Variants in MON1A observed in about 807,000 individuals in gnomAD.
MON1A encodes the protein MON1 vesicular trafficking associated A, also known as vacuolar fusion protein MON1 homolog A.
A neutral mutation model predicts 44.6 loss-of-function variants in MON1A; 29 were observed. The ratio of observed to expected loss-of-function variants is 0.65; its 90% CI spans 0.48 to 0.89. The LOEUF (loss-of-function observed/expected upper bound fraction) is 0.89. Among genes scored for constraint, MON1A ranks in the 40% least tolerant of loss-of-function variants. MON1A has a pLI of 0.00. For synonymous variants in MON1A, 275 were observed against 316.4 expected (o/e 0.87, Z 1.39); for missense variants, 615 against 759.6 (o/e 0.81, Z 2.24).
At chr3:49,929,048 T>TA (rs966612076) in intron 1 of MON1A, among the ~76,000 whole-genome samples, 15 of 152,120 alleles carry the variant, frequency 9.9e-5, no homozygotes, top group East Asian at 3.9e-4. Context: ...CCGTCTCTAC[T>TA]AAAAAAATAC....
At position 49,909,144 on chromosome 3, in the gene MON1A, G is replaced by A. The variant is rs200619339; in HGVS notation, c.1538C>T (p.Ala513Val). The change falls in exon 6 of 6, where the codon GCC (alanine) becomes GTC (valine). Residue 513 changes from alanine to valine, a missense_variant. Physicochemically the swap from Ala to Val is moderately conservative, Grantham distance 64. Transcript: ENST00000296473. This position sits in a 1 kb window ranked among gnomAD's most constrained non-coding sequence, Gnocchi z 4.0. ...GCTGTAACACATGTAGAGCTCAAAG[G>A]CGCCTGTCACCTGGAGAAGGGGCAA... ...NENLLAWVTG[A>V]FELYMCYSPL... is the part of the protein sequence containing the mutation. The A allele has an allele frequency of 2.0e-4, 318 of 1,610,236 alleles. 1 individual carries two copies. The highest frequency in any genetic ancestry group is 3.3e-4 in the Middle Eastern group (2 of 6,074).
In MON1A at chr3:49,913,313, C is replaced by T. The variant is rs370877712; in HGVS notation, c.34G>A (p.Glu12Lys). 150 of 1,613,640 alleles carry T rather than the reference C, an allele frequency of 9.3e-5. No individual in the cohort carries two copies. In the Middle Eastern group the frequency reaches 1.7e-3, roughly 18 times the overall value. The change falls in exon 2 of 6, where the codon GAA becomes AAA. Residue 12 changes from glutamate to lysine, a missense_variant. Physicochemically the swap from Glu to Lys is moderately conservative, Grantham distance 56. Transcript: ENST00000296473. Reference protein sequence around the residue: ...ATDMQRKRSSECLDGTLTPSD... With the variant: ...ATDMQRKRSSKCLDGTLTPSD... The stretch of plus-strand genomic sequence containing the variant: ...GGAGTCAATGTGCCATCAAGGCATT[C>T]GCTGCTTCTCTTCCTCTGCATGTCA...
intron 1 of MON1A, among the ~76,000 whole-genome samples, chr3:49,913,942 G>C (rs1050015655): frequency 6.6e-6 from 1 of 151,826 alleles, no homozygotes; most frequent in Non-Finnish European, 1.5e-5. Context: ...TGTTGTTGTT[G>C]AGACAGGGTC....
In MON1A at chr3:49,911,718, C is replaced by A; in HGVS notation, c.421G>T (p.Glu141Ter). The change falls in exon 3 of 6, where the codon GAG (glutamate) becomes TAG (stop). Residue 141 changes from glutamate to a stop codon, truncating the protein, a stop_gained. Coordinates refer to ENST00000296473, the MANE Select transcript of MON1A (RefSeq NM_032355.4). LOFTEE classifies it high-confidence loss of function. The surrounding 1 kb of genome is among the most constrained non-coding windows in gnomAD (Gnocchi z 5.7). Reference sequence around the variant, plus strand: ...TCCGTGGCATCCTCCTCATCCCCCTCGGTTGTGCCCTCCCTGGGGGGCTCT... The same window carrying A: ...TCCGTGGCATCCTCCTCATCCCCCTAGGTTGTGCCCTCCCTGGGGGGCTCT... The part of the protein sequence containing the change: ...ATEPPREGTT[E>*]GDEEDATEAW... 1 of 1,613,956 alleles carries A rather than the reference C, an allele frequency of 6.2e-7. No homozygotes were observed. Among genetic ancestry groups the A allele is most frequent in the South Asian group, 1.1e-5 (1 of 91,082 alleles).
At position 49,911,237 on chromosome 3, in the gene MON1A, G is replaced by GATGATAGATAC. The variant is rs1559492002; in HGVS notation, c.613+288_613+289insGTATCTATCAT. On this transcript the variant is annotated intron_variant, in intron 3 of 5. Transcript: ENST00000296473. This position sits in a 1 kb window ranked among gnomAD's most constrained non-coding sequence, Gnocchi z 5.7. ...AGATAGATAGATAGATAGATAGATAGATAGATAGAGTTTGTTGTTGTTGTT... is the reference window on the plus strand; with the variant it reads ...AGATAGATAGATAGATAGATAGATAGATGATAGATACATAGATAGAGTTTGTTGTTGTTGTT... Among the ~76,000 whole-genome samples, 37 of 118,172 alleles carry GATGATAGATAC rather than the reference G, an allele frequency of 3.1e-4. No homozygotes were observed. The highest frequency in any genetic ancestry group is 4.3e-3 in the Middle Eastern group (1 of 234). 77.5% of individuals were successfully genotyped at this position (118,172 alleles called of 152,430 possible).
chr3:49,910,669 T>C lies in MON1A; in HGVS notation c.829A>G (p.Asn277Asp), dbSNP rs1347906568. 1.9e-6 allele frequency: 3 copies of C among 1,608,332 alleles called. No individual in the cohort carries two copies. In the East Asian group the frequency reaches 6.7e-5, roughly 36 times the overall value. The change falls in exon 4 of 6, where the codon AAC (asparagine) becomes GAC (aspartate). Residue 277 changes from asparagine (N) to aspartate (D), a missense_variant. Transcript: ENST00000296473. This position sits in a 1 kb window ranked among gnomAD's most constrained non-coding sequence, Gnocchi z 8.0. ...TCTCGTGCCATGAGCTGCAGCAGGT[T>C]GTCGGTGATGCGCTCTGAGCCCGAG... ...LLSGSERITD[N>D]LLQLMARDPS... is the part of the protein sequence containing the mutation.
chr3:49,913,525 TTC>T (rs2082911709), intron 1 of MON1A, among the ~76,000 whole-genome samples, 166 bp from the exon 2 acceptor site: 2 of 151,878 alleles, frequency 1.3e-5, no homozygotes, highest in African/African-American at 2.4e-5. Context: ...ACTGTTCCTT[TTC>T]TGATTATAAA....
intron 1 of MON1A, 48 bp from the exon 2 acceptor site, chr3:49,913,407 G>A (rs1046330826): frequency 1.3e-5 from 21 of 1,571,950 alleles, no homozygotes; most frequent in Non-Finnish European, 1.8e-5. Flanking sequence ...CAGGGTCACA[G>A]GCATAATCAA....
chr3:49,911,719 G>T lies in MON1A; in HGVS notation c.420C>A (p.Thr140=). ...CCGTGGCATCCTCCTCATCCCCCTC[G>T]GTTGTGCCCTCCCTGGGGGGCTCTG... The part of the protein sequence containing the change: ...PATEPPREGT[T]EGDEEDATEA... Residue 140 remains threonine (T), a synonymous_variant, in exon 3 of 6, where the codon ACC becomes ACA. Transcript: ENST00000296473. The surrounding 1 kb of genome is among the most constrained non-coding windows in gnomAD (Gnocchi z 5.7). 6.2e-7 allele frequency: 1 copy of T among 1,613,908 alleles called. No homozygotes were observed. Among genetic ancestry groups the T allele is most frequent in the South Asian group, 1.1e-5 (1 of 91,084 alleles).
chr3:49,927,661 C>T (rs2083061737), intron 1 of MON1A, among the ~76,000 whole-genome samples: 1 of 152,130 alleles, frequency 6.6e-6, no homozygotes, highest in Admixed American at 6.6e-5. Flanking sequence ...TTCCTCCAGG[C>T]TAACTGGTTG....
intron 1 of MON1A, among the ~76,000 whole-genome samples, chr3:49,918,226 A>T (rs975253948): frequency 2.6e-5 from 4 of 151,870 alleles, no homozygotes; most frequent in Non-Finnish European, 5.9e-5. Context: ...AATCCAAGCT[A>T]CTTGGGAGGC....
At position 49,929,319 on chromosome 3, in the gene MON1A, TGTGTAC is replaced by T. The variant is rs11278644; in HGVS notation, c.-14+284_-14+289del. 1.3e-3 allele frequency: 681 copies of T among 506,068 alleles called. 3 individuals are homozygous for T. The highest frequency in any genetic ancestry group is 0.012 in the African/African-American group (611 of 50,066). 31.3% of individuals were successfully genotyped at this position (506,068 alleles called of 1,614,324 possible). ...TTGAGAAGACTCTACCGGCCGAATA[TGTGTAC>T]GTTTGTTGGCGGGGCGGGGGTGGGG... On this transcript the variant is annotated intron_variant, in intron 1 of 5. Transcript: ENST00000296473.
Position 49,909,255 on chromosome 3 carries a change from A to C in MON1A, c.1525T>G (p.Trp509Gly), listed in dbSNP as rs1281381566. The change falls in exon 5 of 6, where the codon TGG (tryptophan) becomes GGG (glycine). Residue 509 changes from tryptophan to glycine, a missense_variant and splice_region_variant. Physicochemically the swap from Trp to Gly is radical, Grantham distance 184. Coordinates refer to ENST00000296473, the MANE Select transcript of MON1A (RefSeq NM_032355.4). The surrounding 1 kb of genome is among the most constrained non-coding windows in gnomAD (Gnocchi z 4.0). ...AGCCCATCCCAGGGCTGCCTTACCC[A>C]GGCCAGGAGGTTCTCGTTGGGGCCC... Reference protein sequence around the residue: ...YTGPNENLLAWVTGAFELYMC... With the variant: ...YTGPNENLLAGVTGAFELYMC... 3.7e-6 allele frequency: 6 copies of C among 1,613,674 alleles called. No individual in the cohort carries two copies. Among genetic ancestry groups the C allele is most frequent in the Admixed American group, 3.3e-5 (2 of 59,982 alleles).
At chr3:49,922,866 C>A (rs2083013644) in intron 1 of MON1A, among the ~76,000 whole-genome samples, 1 of 151,748 alleles carries the variant, frequency 6.6e-6, no homozygotes, top group African/African-American at 2.4e-5. Context: ...CGTGTGCCAC[C>A]ACACAGGCTA....
rs1239558768 is a variant in MON1A, at chr3:49,909,445, C to T, written c.1380-45G>A. The T allele has an allele frequency of 6.2e-7, 1 of 1,610,086 alleles. No individual in the cohort carries two copies. Among genetic ancestry groups the T allele is most frequent in the Admixed American group, 1.7e-5 (1 of 59,704 alleles). On this transcript the variant is annotated intron_variant, in intron 4 of 5. Transcript: ENST00000296473. This position sits in a 1 kb window ranked among gnomAD's most constrained non-coding sequence, Gnocchi z 4.0. Reference sequence around the variant, plus strand: ...AGTGGGTTTGCAAAGGAATGACTTCCACTGTCTTCTCTAGAGATTTAGAAA... The same window carrying T: ...AGTGGGTTTGCAAAGGAATGACTTCTACTGTCTTCTCTAGAGATTTAGAAA...
At position 49,909,198 on chromosome 3, in the gene MON1A, C is replaced by G. The variant is rs372185709; in HGVS notation, c.1528-44G>C. The G allele has an allele frequency of 6.8e-6, 11 of 1,612,324 alleles. No homozygotes were observed. Among genetic ancestry groups the G allele is most frequent in the African/African-American group, 1.3e-5 (1 of 74,868 alleles). On this transcript the variant is annotated intron_variant, in intron 5 of 5. Transcript: ENST00000296473. The surrounding 1 kb of genome is among the most constrained non-coding windows in gnomAD (Gnocchi z 4.0). ...GTCGTCATCTAGGTTAGAGGCCCCT[C>G]ATGGCCCATACCTAGGACCTCCATA...
chr3:49,926,782 ATT>A (rs879458577), intron 1 of MON1A, among the ~76,000 whole-genome samples: 3 of 137,606 alleles, frequency 2.2e-5, no homozygotes, highest in African/African-American at 2.7e-5. Context: ...TGGGAGGGAG[ATT>A]TTTTTTTTTT....
chr3:49,929,360 G>A lies in MON1A; in HGVS notation c.-14+249C>T, dbSNP rs915958203. 1.1e-5 allele frequency: 6 copies of A among 568,556 alleles called. No homozygotes were observed. The African/African-American group carries it at 1.2e-4, about 11-fold the overall frequency. The allele number at this position is 568,556 out of a possible 1,614,324, so 35.2% of individuals were successfully genotyped here. A position where few individuals can be genotyped will look rare whatever the true frequency, so the allele number is the denominator to read the frequency against. ...CGGGGCGGGGGTGGGGGAGTGGGGA[G>A]AGTCCTACCTGGCCACTGCCCCCTA... On this transcript the variant is annotated intron_variant, in intron 1 of 5. Coordinates refer to ENST00000296473, the MANE Select transcript of MON1A (RefSeq NM_032355.4).
At chr3:49,918,532 C>T (rs1009866258) in intron 1 of MON1A, among the ~76,000 whole-genome samples, 1 of 151,864 alleles carries the variant, frequency 6.6e-6, no homozygotes, top group Admixed American at 6.6e-5. Flanking sequence ...CTGCCTCAGC[C>T]TCCCAGGTAG....
Sources: gnomAD v4.1 joint callset for allele counts (sites outside exome capture counted in the v4.1 genomes callset) on GRCh38, gnomAD v4.1.1 for gene constraint, Gnocchi (gnomAD v3.1) non-coding constraint, MANE v1.5 for transcripts, NCBI Gene and HGNC (gene_info 2026-07-23, HGNC 2026-07-21) for gene names.